The following PHF12 variants were observed in gnomAD, a reference collection of about 807,000 sequenced individuals.
PHF12 encodes the protein PHD factor 1.
In PHF12, 6 loss-of-function variants were observed where a neutral mutation model predicts 99.8. The ratio of observed to expected loss-of-function variants is 0.06; its 90% CI spans 0.03 to 0.12. The LOEUF (loss-of-function observed/expected upper bound fraction) is 0.12, where lower values mean the gene tolerates loss of function less well. Among genes scored for constraint, PHF12 ranks in the 10% least tolerant of loss-of-function variants. PHF12 has a pLI of 1.00. For synonymous variants in PHF12, 480 were observed against 514.9 expected, an observed-to-expected ratio of 0.93 and a Z score of 0.92; for missense variants, 954 against 1,300.1, an observed-to-expected ratio of 0.73 and a Z score of 4.09.
intron 2 of PHF12, among the ~76,000 whole-genome samples, chr17:28,928,447 T>C (rs943396945): frequency 5.3e-5 from 8 of 152,236 alleles, no homozygotes; most frequent in Non-Finnish European, 8.8e-5. Flanking sequence ...GCACTTCTCA[T>C]GCTTTGCCCA....
intron 2 of PHF12, among the ~76,000 whole-genome samples, chr17:28,933,095 T>A (rs1342638383): frequency 2.0e-5 from 3 of 152,206 alleles, no homozygotes; most frequent in African/African-American, 7.2e-5. Context: ...CCTCTCATCC[T>A]CATGTATCAA....
intron 8 of PHF12, 103 bp downstream of exon 8, chr17:28,913,776 G>C: frequency 6.8e-7 from 1 of 1,460,126 alleles, no homozygotes; most frequent in South Asian, 1.3e-5. Context: ...GATGAGGGTG[G>C]GTGGGGACTG....
chr17:28,911,190 C>T lies in PHF12; in HGVS notation c.2137G>A (p.Val713Ile), dbSNP rs774453658. 18 of 1,613,990 alleles carry T rather than the reference C, an allele frequency of 1.1e-5. No individual in the cohort carries two copies. Among genetic ancestry groups the T allele is most frequent in the East Asian group, 2.2e-5 (1 of 44,886 alleles). The change falls in exon 10 of 15, where the codon GTA (valine) becomes ATA (isoleucine). Residue 713 changes from valine to isoleucine, a missense_variant. This residue lies in a region of PHF12 where 143 missense variants were observed against 191.8 expected (regional missense o/e 0.75). Coordinates refer to ENST00000332830, the MANE Select transcript of PHF12 (RefSeq NM_001033561.2). ...GTAGAGTTGGCTGGGAAAGAGGGTA[C>T]GGTTAAAGCGCTTCCTATGGATAAC... ...GTLSIGSALTVPSFPANSTAM... is the reference protein window; with the variant it reads ...GTLSIGSALTIPSFPANSTAM...
intron 2 of PHF12, among the ~76,000 whole-genome samples, chr17:28,931,782 A>G (rs1019211369): frequency 6.6e-6 from 1 of 151,126 alleles, no homozygotes; most frequent in African/African-American, 2.4e-5. Flanking sequence ...GGGTTTCACC[A>G]TGTTGGCCAG....
chr17:28,951,046 G>C lies in PHF12; in HGVS notation c.-86C>G. 1.3e-6 allele frequency: 2 copies of C among 1,596,546 alleles called. No homozygotes were observed. Among genetic ancestry groups the C allele is most frequent in the South Asian group, 2.2e-5 (2 of 89,526 alleles). ...GGAGGTGAGGGGAGGGGGCGCTCCT[G>C]ACCCCGGCCCCGCTTTTTTCCCAAT... On this transcript the variant is annotated 5_prime_UTR_variant, in exon 1 of 15. Coordinates refer to ENST00000332830, the MANE Select transcript of PHF12 (RefSeq NM_001033561.2).
Position 28,949,040 on chromosome 17 carries a change from G to C in PHF12, c.248+1025C>G, listed in dbSNP as rs1317866870. On this transcript the variant is annotated intron_variant, in intron 2 of 14. Coordinates refer to ENST00000332830, the MANE Select transcript of PHF12 (RefSeq NM_001033561.2). The surrounding 1 kb of genome is among the most constrained non-coding windows in gnomAD (Gnocchi z 4.6). ...GAGCCGCTGAGGAGGATCACGCAGC[G>C]GGCGATCAACTCAGGTCCCTCCCTC... Among the ~76,000 whole-genome samples the C allele has an allele frequency of 2.0e-5, 3 of 152,204 alleles. No individual in the cohort carries two copies. Among genetic ancestry groups the C allele is most frequent in the Middle Eastern group, 3.4e-3 (1 of 294 alleles).
chr17:28,930,939 G>A (rs544664041), intron 2 of PHF12, among the ~76,000 whole-genome samples: 1 of 152,324 alleles, frequency 6.6e-6, no homozygotes, highest in Admixed American at 6.5e-5. Context: ...AGGTGAGGCG[G>A]CATGAGCCTA....
intron 12 of PHF12, chr17:28,907,954 C>G: frequency 7.0e-6 from 2 of 285,554 alleles, no homozygotes; most frequent in Non-Finnish European, 1.4e-5. Context: ...TGGGATATTT[C>G]TATGAAAATA....
At chr17:28,940,064 A>G (rs2040586276) in intron 2 of PHF12, among the ~76,000 whole-genome samples, 1 of 152,212 alleles carries the variant, frequency 6.6e-6, no homozygotes, top group Non-Finnish European at 1.5e-5. Context: ...TTCTTGGGAG[A>G]TATCCCATAA....
chr17:28,911,339 T>G, intron 9 of PHF12, 102 bp from the exon 10 acceptor site: 1 of 1,483,858 alleles, frequency 6.7e-7, no homozygotes, highest in Non-Finnish European at 9.1e-7. Context: ...CCCAAGGTGA[T>G]GTTCCCTTCT....
chr17:28,932,236 G>C (rs1350202632), intron 2 of PHF12, among the ~76,000 whole-genome samples: 1 of 151,242 alleles, frequency 6.6e-6, no homozygotes. Context: ...GGCTCAAGCA[G>C]TCCTCCCACC....
At chr17:28,907,448 C>T in intron 13 of PHF12, 142 bp downstream of exon 13, 5 of 766,496 alleles carry the variant, frequency 6.5e-6, no homozygotes, top group South Asian at 1.8e-5. Context: ...AGACTCTCCT[C>T]CTCCAGGAAT....
chr17:28,942,570 C>A (rs1230578247), intron 2 of PHF12, among the ~76,000 whole-genome samples: 1 of 152,124 alleles, frequency 6.6e-6, no homozygotes, highest in Non-Finnish European at 1.5e-5. Flanking sequence ...GTAATCCCAG[C>A]ACTTTGCGAG....
chr17:28,946,174 A>G (rs559140003), intron 2 of PHF12, among the ~76,000 whole-genome samples: 1 of 152,164 alleles, frequency 6.6e-6, no homozygotes, highest in African/African-American at 2.4e-5. Flanking sequence ...TCTCTTTCCA[A>G]TTCTCTAGGG....
chr17:28,907,218 C>A, intron 13 of PHF12: 1 of 551,566 alleles, frequency 1.8e-6, no homozygotes. Flanking sequence ...CTTCACTCTG[C>A]CCTCTCAGCA....
At chr17:28,941,122 C>T (rs1339888595) in intron 2 of PHF12, among the ~76,000 whole-genome samples, 1 of 150,916 alleles carries the variant, frequency 6.6e-6, no homozygotes, top group Non-Finnish European at 1.5e-5. Flanking sequence ...GCTTGTGCTG[C>T]ATTAATATAT....
rs538278583 is a variant in PHF12, at chr17:28,946,496, G to A, written c.248+3569C>T. Among the ~76,000 whole-genome samples the A allele has an allele frequency of 5.3e-5, 8 of 152,240 alleles. No homozygotes were observed. In the South Asian group the frequency reaches 1.2e-3, roughly 24 times the overall value. On this transcript the variant is annotated intron_variant, in intron 2 of 14. Transcript: ENST00000332830. ...ACTATTTATCTTAGAAAGATCTCCT[G>A]TGGTTTATAGCTGTGTTACCAAGCC...
chr17:28,944,543 C>T (rs1280423311), intron 2 of PHF12: 8 of 981,444 alleles, frequency 8.2e-6, no homozygotes, highest in Non-Finnish European at 8.5e-6. Flanking sequence ...GACAACATGA[C>T]ACGTAAGGCA....
intron 10 of PHF12, 53 bp downstream of exon 10, chr17:28,911,059 A>G: frequency 6.2e-7 from 1 of 1,611,314 alleles, no homozygotes; most frequent in Admixed American, 1.7e-5. Context: ...GCTGTATAGG[A>G]ATAGCACCTT....
Sources: gnomAD v4.1 joint callset for allele counts (sites outside exome capture counted in the v4.1 genomes callset) on GRCh38, gnomAD v4.1.1 for gene constraint, gnomAD v4.1.1 regional missense constraint, Gnocchi (gnomAD v3.1) non-coding constraint, MANE v1.5 for transcripts, NCBI Gene and HGNC (gene_info 2026-07-23, HGNC 2026-07-21) for gene names.